ARG2: variants seen among roughly 807,000 people sequenced by gnomAD.
ARG2 encodes arginase 2.
In ARG2, 21 loss-of-function variants were observed where a neutral mutation model predicts 39.4. The observed-to-expected ratio is 0.53, with a 90% CI of 0.38 to 0.77. The LOEUF is 0.77. Among genes scored for constraint, ARG2 ranks in the 30% least tolerant of loss-of-function variants. ARG2 has a pLI of 0.00. For synonymous variants in ARG2, 150 were observed against 156.7 expected (o/e 0.96, Z 0.32); for missense variants, 378 against 426.2 (o/e 0.89, Z 1.00).
intron 2 of ARG2, among the ~76,000 whole-genome samples, chr14:67,641,980 A>C (rs930193967): frequency 1.3e-5 from 2 of 152,298 alleles, no homozygotes; most frequent in East Asian, 3.9e-4. Flanking sequence ...GTCAATCGAT[A>C]TCTCTTAGTT....
At chr14:67,638,350 C>T (rs2036994326) in intron 2 of ARG2, among the ~76,000 whole-genome samples, 1 of 148,716 alleles carries the variant, frequency 6.7e-6, no homozygotes, top group Non-Finnish European at 1.5e-5. Flanking sequence ...ACAGTGAGAC[C>T]CTGTCTCTAC....
chr14:67,638,369 CAA>C (rs11300364), intron 2 of ARG2, among the ~76,000 whole-genome samples: 2 of 147,992 alleles, frequency 1.4e-5, no homozygotes, highest in East Asian at 2.0e-4. Flanking sequence ...ACAAATAATC[CAA>C]AAAAAAAAGA....
At chr14:67,645,374 TA>T (rs2037084265) in intron 3 of ARG2, among the ~76,000 whole-genome samples, 1 of 152,186 alleles carries the variant, frequency 6.6e-6, no homozygotes, top group Admixed American at 6.5e-5. Context: ...GGCTAATGGA[TA>T]AAATTATACG....
intron 2 of ARG2, among the ~76,000 whole-genome samples, chr14:67,638,243 C>T (rs1195055616): frequency 6.6e-6 from 1 of 151,942 alleles, no homozygotes; most frequent in Non-Finnish European, 1.5e-5. Flanking sequence ...CTATAACTAG[C>T]CCAGGCATGG....
Position 67,650,956 on chromosome 14 carries a change from T to C in ARG2, c.*36T>C. 1 of 1,595,178 alleles carries C rather than the reference T, an allele frequency of 6.3e-7. No homozygotes were observed. The stretch of plus-strand genomic sequence containing the variant: ...GCACTGACATGTTTCACAACAGGCA[T>C]TCCAGAATTATGAGGCATTGAGGGG... On this transcript the variant is annotated 3_prime_UTR_variant, in exon 8 of 8. Coordinates refer to ENST00000261783, the MANE Select transcript of ARG2 (RefSeq NM_001172.4).
In ARG2 at chr14:67,646,649, A is replaced by G. The variant is rs376978713; in HGVS notation, c.528A>G (p.Pro176=). 26 of 1,609,300 alleles carry G rather than the reference A, an allele frequency of 1.6e-5. No individual in the cohort carries two copies. Among genetic ancestry groups the G allele is most frequent in the Non-Finnish European group, 2.2e-5 (26 of 1,175,932 alleles). ...FLLRELQDKV[P]QLPGFSWIKP... is the part of the protein sequence containing the mutation. Reference sequence around the variant, plus strand: ...TCCATTTCTCCCTTTCATAGGTACCACAACTCCCAGGATTTTCCTGGATCA... The same window carrying G: ...TCCATTTCTCCCTTTCATAGGTACCGCAACTCCCAGGATTTTCCTGGATCA... Residue 176 remains proline, a synonymous_variant, in exon 5 of 8, where the codon CCA becomes CCG. Coordinates refer to ENST00000261783, the MANE Select transcript of ARG2 (RefSeq NM_001172.4).
At chr14:67,621,048 C>T (rs1832976739) in intron 2 of ARG2, 82 bp downstream of exon 2, 2 of 1,337,856 alleles carry the variant, frequency 1.5e-6, no homozygotes, top group African/African-American at 1.4e-5. Flanking sequence ...CCAGGGACTA[C>T]ACAGCTTTGT....
intron 2 of ARG2, among the ~76,000 whole-genome samples, chr14:67,623,770 G>A (rs2036836395): frequency 6.6e-6 from 1 of 152,036 alleles, no homozygotes; most frequent in African/African-American, 2.4e-5. Flanking sequence ...TCGAACTCCT[G>A]ACCTCAGGTG....
intron 2 of ARG2, among the ~76,000 whole-genome samples, chr14:67,623,688 C>G (rs779853490): frequency 6.6e-6 from 1 of 151,906 alleles, no homozygotes. Flanking sequence ...ATTACAGGTG[C>G]CTGCCACTGC....
At position 67,647,023 on chromosome 14, in the gene ARG2, CAAGT is replaced by C. The variant is rs775112979; in HGVS notation, c.722+5_722+8del. 19 of 1,600,950 alleles carry C rather than the reference CAAGT, an allele frequency of 1.2e-5. No individual in the cohort carries two copies. The highest frequency in any genetic ancestry group is 1.5e-5 in the Non-Finnish European group (17 of 1,168,704). The stretch of plus-strand genomic sequence containing the variant: ...AACGAACATTTGATCTGCTGATTGG[CAAGT>C]AAGTAACTATAACTGATGTCAGGGC... On this transcript the variant is annotated splice_donor_variant and coding_sequence_variant, in exon 6 of 8. Transcript: ENST00000261783. LOFTEE classifies it high-confidence loss of function.
At chr14:67,644,030 T>C (rs1350839051) in intron 3 of ARG2, among the ~76,000 whole-genome samples, 2 of 152,244 alleles carry the variant, frequency 1.3e-5, no homozygotes, top group East Asian at 3.8e-4. Flanking sequence ...TTCTGAGTTC[T>C]GGTCAAGTCT....
intron 2 of ARG2, among the ~76,000 whole-genome samples, chr14:67,622,754 C>T (rs1419992095): frequency 6.6e-6 from 1 of 152,218 alleles, no homozygotes; most frequent in East Asian, 1.9e-4. Flanking sequence ...CATCTGAACT[C>T]GGCCAAGCAT....
chr14:67,635,927 ATT>A (rs754062281), intron 2 of ARG2, among the ~76,000 whole-genome samples: 8 of 152,166 alleles, frequency 5.3e-5, no homozygotes, highest in Non-Finnish European at 1.2e-4. Flanking sequence ...CATGTAAAAT[ATT>A]TGAGTCTGTA....
intron 7 of ARG2, 120 bp from the exon 8 acceptor site, chr14:67,650,595 T>C: frequency 2.3e-6 from 2 of 860,702 alleles, no homozygotes; most frequent in Admixed American, 4.4e-5. Context: ...AATAGGTATT[T>C]TCTACTATAA....
chr14:67,651,193 C>CTGGTCTT lies in ARG2; in HGVS notation c.*274_*280dup, dbSNP rs1347637960. On this transcript the variant is annotated 3_prime_UTR_variant, in exon 8 of 8. Transcript: ENST00000261783. ...GCATTTATTACCTTGGTATATCATA[C>CTGGTCTT]TGGTCTTGTTGCTGTTGTTCCTTCA... is the stretch of plus-strand genomic sequence containing the variant. 3 of 1,124,556 alleles carry CTGGTCTT rather than the reference C, an allele frequency of 2.7e-6. No individual in the cohort carries two copies. The highest frequency in any genetic ancestry group is 3.7e-6 in the Non-Finnish European group (3 of 811,762). The allele number at this position is 1,124,556 out of a possible 1,614,324, so 69.7% of individuals were successfully genotyped here.
At chr14:67,635,055 G>A (rs970968256) in intron 2 of ARG2, among the ~76,000 whole-genome samples, 1 of 152,018 alleles carries the variant, frequency 6.6e-6, no homozygotes, top group Non-Finnish European at 1.5e-5. Flanking sequence ...GACCAGCCTC[G>A]GTAAAATGGC....
chr14:67,628,513 A>G lies in ARG2; in HGVS notation c.184+7547A>G, dbSNP rs184370576. ...CACTATTGGGATTTGGCAAATTTCAATGTAGCCGTATATTTCCCATTTATG... is the reference window on the plus strand; with the variant it reads ...CACTATTGGGATTTGGCAAATTTCAGTGTAGCCGTATATTTCCCATTTATG... On this transcript the variant is annotated intron_variant, in intron 2 of 7. Transcript: ENST00000261783. Among the ~76,000 whole-genome samples, 10 of 152,358 alleles carry G rather than the reference A, an allele frequency of 6.6e-5. No homozygotes were observed. In the East Asian group the frequency reaches 1.3e-3, roughly 21 times the overall value.
At chr14:67,621,165 A>AAGGCAAGGAGGTAGAGTG (rs2036806529) in intron 2 of ARG2, among the ~76,000 whole-genome samples, 199 bp downstream of exon 2, 2 of 152,264 alleles carry the variant, frequency 1.3e-5, no homozygotes, top group Non-Finnish European at 1.5e-5. Context: ...AGTGTGTTGG[A>AAGGCAAGGAGGTAGAGTG]AGGCAAGGAG....
intron 2 of ARG2, among the ~76,000 whole-genome samples, chr14:67,621,814 A>G (rs557907969): frequency 6.6e-6 from 1 of 151,450 alleles, no homozygotes; most frequent in East Asian, 2.0e-4. Flanking sequence ...ATACCTTTAT[A>G]AGCAGGGTGC....
Sources: allele counts gnomAD v4.1 joint callset (sites outside exome capture counted in the v4.1 genomes callset), GRCh38; gene constraint gnomAD v4.1.1; transcripts MANE v1.5; gene names NCBI Gene and HGNC (gene_info 2026-07-23, HGNC 2026-07-21).